ZC3H11C: variants seen among roughly 807,000 people sequenced by gnomAD.
ZC3H11C encodes the protein zinc finger CCCH-type containing 11C.
At chr6:65,302,305 T>A in the ZC3H11C span, among the ~76,000 whole-genome samples, 1 of 152,222 alleles carries the variant, frequency 6.6e-6, no homozygotes, top group South Asian at 2.1e-4. Context: ...TGAGTGTTGG[T>A]TCGACCTACA....
At chr6:65,305,235 G>A in the ZC3H11C span, among the ~76,000 whole-genome samples, 1 of 152,194 alleles carries the variant, frequency 6.6e-6, no homozygotes, top group Admixed American at 6.5e-5. Flanking sequence ...CTGAGAGGGA[G>A]ATCAAGTGAA....
At chr6:65,305,833 G>T in the ZC3H11C span, among the ~76,000 whole-genome samples, 5 of 152,066 alleles carry the variant, frequency 3.3e-5, no homozygotes, top group Admixed American at 6.5e-5. Context: ...AACCCCTGTT[G>T]CCCAGTATTT....
chr6:65,301,666 TCCCCA>T, the ZC3H11C span, among the ~76,000 whole-genome samples: 2 of 152,172 alleles, frequency 1.3e-5, no homozygotes, highest in African/African-American at 4.8e-5. Context: ...CTACACCCAT[TCCCCA>T]CCCTCATTAC....
At chr6:65,306,053 G>T in the ZC3H11C span, among the ~76,000 whole-genome samples, 4 of 152,150 alleles carry the variant, frequency 2.6e-5, no homozygotes, top group Non-Finnish European at 5.9e-5. Context: ...TCAAGGTTTA[G>T]ATTTGTGAAG....
At chr6:65,303,583 TGA>T in the ZC3H11C span, 5 of 722,110 alleles carry the variant, frequency 6.9e-6, no homozygotes, top group Non-Finnish European at 1.2e-5. Context: ...ATAAAGTTGG[TGA>T]GATCCATGTG....
chr6:65,302,069 A>T, the ZC3H11C span, among the ~76,000 whole-genome samples: 35 of 151,960 alleles, frequency 2.3e-4, no homozygotes, highest in African/African-American at 8.2e-4. Context: ...TGATCCTTTG[A>T]CTCTCAAGTT....
the ZC3H11C span, among the ~76,000 whole-genome samples, chr6:65,305,279 G>A: frequency 6.6e-6 from 1 of 152,198 alleles, no homozygotes; most frequent in Non-Finnish European, 1.5e-5. Flanking sequence ...TCCTTGAGGT[G>A]TTTGTCAGTT....
the ZC3H11C span, among the ~76,000 whole-genome samples, chr6:65,302,248 T>C: frequency 6.6e-6 from 1 of 152,196 alleles, no homozygotes; most frequent in Non-Finnish European, 1.5e-5. Context: ...TTCTTGGCAA[T>C]GTGAGGAGGA....
At chr6:65,305,309 T>C in the ZC3H11C span, among the ~76,000 whole-genome samples, 39 of 151,592 alleles carry the variant, frequency 2.6e-4, no homozygotes, top group Non-Finnish European at 5.2e-4. Context: ...TTCTCCTTTG[T>C]TGTATTCTTT....
the ZC3H11C span, among the ~76,000 whole-genome samples, chr6:65,305,797 A>AT: frequency 1.3e-5 from 2 of 152,046 alleles, no homozygotes; most frequent in Admixed American, 6.6e-5. Flanking sequence ...AATATGGTTA[A>AT]TTTTTTATTT....
chr6:65,303,796 C>CA, the ZC3H11C span: 4 of 563,086 alleles, frequency 7.1e-6, no homozygotes, highest in Non-Finnish European at 1.2e-5. Flanking sequence ...GACAAAAAAG[C>CA]AAAAAGGATA....
the ZC3H11C span, among the ~76,000 whole-genome samples, chr6:65,301,916 C>T: frequency 6.6e-6 from 1 of 152,190 alleles, no homozygotes; most frequent in South Asian, 2.1e-4. Flanking sequence ...TGGGGATATT[C>T]CCTGCCCAAA....
the ZC3H11C span, among the ~76,000 whole-genome samples, chr6:65,301,797 G>A: frequency 6.6e-5 from 10 of 152,306 alleles, no homozygotes; most frequent in African/African-American, 2.2e-4. Flanking sequence ...TAATTGGTGC[G>A]GATTCCTGTG....
chr6:65,302,262 T>A, the ZC3H11C span, among the ~76,000 whole-genome samples: 1 of 152,098 alleles, frequency 6.6e-6, no homozygotes, highest in Admixed American at 6.6e-5. Flanking sequence ...AGGAGGAAAA[T>A]TTTTTCTGCT....
chr6:65,303,841 TA>T, the ZC3H11C span: 1 of 598,810 alleles, frequency 1.7e-6, no homozygotes, highest in Non-Finnish European at 2.9e-6. Context: ...ATAGTGAAAT[TA>T]AAAAAACAGT....
the ZC3H11C span, among the ~76,000 whole-genome samples, chr6:65,306,309 T>C: frequency 6.6e-6 from 1 of 152,170 alleles, no homozygotes; most frequent in East Asian, 1.9e-4. Flanking sequence ...GCCACAGGAC[T>C]GCCCATTCAG....
At chr6:65,302,831 A>T in the ZC3H11C span, 1 of 1,610,528 alleles carries the variant, frequency 6.2e-7, no homozygotes, top group Admixed American at 1.7e-5. Context: ...TGTGTTGCCC[A>T]CTGTGCCTGA....
chr6:65,305,807 T>A, the ZC3H11C span, among the ~76,000 whole-genome samples: 17 of 152,302 alleles, frequency 1.1e-4, no homozygotes, highest in African/African-American at 3.8e-4. Context: ...ATTTTTTATT[T>A]CTAATTCTCC....
At chr6:65,305,841 T>C in the ZC3H11C span, among the ~76,000 whole-genome samples, 1 of 152,148 alleles carries the variant, frequency 6.6e-6, no homozygotes, top group African/African-American at 2.4e-5. Flanking sequence ...TTGCCCAGTA[T>C]TTATGTGGTG....
Sources: allele counts gnomAD v4.1 joint callset (sites outside exome capture counted in the v4.1 genomes callset), GRCh38; gene constraint gnomAD v4.1.1; transcripts MANE v1.5; gene names NCBI Gene and HGNC (gene_info 2026-07-23, HGNC 2026-07-21).